Variants in CFAP46 observed in about 807,000 individuals in gnomAD.
CFAP46 encodes cilia and flagella associated protein 46.
CFAP46 carries 245 observed loss-of-function variants against 325.7 expected under a neutral mutation model. That is an observed-to-expected ratio of 0.75 (90% CI 0.68 to 0.84). The LOEUF (loss-of-function observed/expected upper bound fraction) is 0.84. CFAP46 is among the 40% of genes least tolerant of loss of function. CFAP46 has a pLI of 0.00. For missense variants in CFAP46, 3,346 were observed against 3,543.0 expected (o/e 0.94, Z 1.41); for synonymous variants, 1,523 against 1,495.9 (o/e 1.02, Z -0.42).
At chr10:132,824,027 A>G (rs1255588113) in intron 50 of CFAP46, among the ~76,000 whole-genome samples, 6 of 69,338 alleles carry the variant, frequency 8.7e-5, no homozygotes, top group African/African-American at 2.0e-4. Context: ...GTGCTGTGTG[A>G]GTGCTGATGT....
Position 132,884,248 on chromosome 10 carries a change from G to A in CFAP46, c.3627+855C>T, listed in dbSNP as rs1206359121. Among the ~76,000 whole-genome samples the A allele has an allele frequency of 6.6e-6, 1 of 152,154 alleles. No individual in the cohort carries two copies. Among genetic ancestry groups the A allele is most frequent in the East Asian group, 1.9e-4 (1 of 5,166 alleles). ...CTGGTTCCCCGGAGCGAGGAGCAGT[G>A]GCTCCCTGTGGCTCCCCACGGTGGT... is the stretch of plus-strand genomic sequence containing the variant. On this transcript the variant is annotated intron_variant, in intron 27 of 57. Transcript: ENST00000368586. The surrounding 1 kb of genome is among the most constrained non-coding windows in gnomAD (Gnocchi z 5.4).
chr10:132,812,278 C>T (rs1368727228), intron 55 of CFAP46, among the ~76,000 whole-genome samples: 1 of 152,240 alleles, frequency 6.6e-6, no homozygotes, highest in Non-Finnish European at 1.5e-5. Context: ...GCCAAAAGCC[C>T]CCCCTGTGCT....
intron 50 of CFAP46, among the ~76,000 whole-genome samples, chr10:132,818,870 GAAAA>G (rs1195269092): frequency 1.4e-5 from 2 of 145,718 alleles, no homozygotes; most frequent in Admixed American, 1.4e-4. Context: ...AAAAAAAAAA[GAAAA>G]AAAAGAAAGA....
chr10:132,897,413 G>C (rs1206249168), intron 24 of CFAP46, among the ~76,000 whole-genome samples: 1 of 152,226 alleles, frequency 6.6e-6, no homozygotes, highest in Admixed American at 6.5e-5. Context: ...ATGAACCTCC[G>C]TCTGCTACGG....
Position 132,859,219 on chromosome 10 carries a change from G to A in CFAP46, c.5227C>T (p.Gln1743Ter). 1.9e-6 allele frequency: 3 copies of A among 1,549,798 alleles called. No homozygotes were observed. The highest frequency in any genetic ancestry group is 2.6e-6 in the Non-Finnish European group (3 of 1,146,940). ...RCLSLRVRVA[Q>*]HSAVTEPTEC... Reference sequence around the variant, plus strand: ...GTGGGTTCAGTGACCGCTGAGTGCTGCGCAACTCTGACCCGCAGGCTCAGG... The same window carrying A: ...GTGGGTTCAGTGACCGCTGAGTGCTACGCAACTCTGACCCGCAGGCTCAGG... Residue 1743 changes from glutamine (Q) to a stop codon, truncating the protein, a stop_gained, in exon 38 of 58, where the codon CAG becomes TAG. Transcript: ENST00000368586. LOFTEE classifies it high-confidence loss of function.
At chr10:132,821,198 A>T (rs1299116664) in intron 50 of CFAP46, among the ~76,000 whole-genome samples, 35 of 49,896 alleles carry the variant, frequency 7.0e-4, no homozygotes, top group East Asian at 1.2e-3. Flanking sequence ...GTGCTGTGTG[A>T]GTGCTGATGT....
At chr10:132,917,837 C>A (rs1365423999) in intron 16 of CFAP46, among the ~76,000 whole-genome samples, 1 of 152,134 alleles carries the variant, frequency 6.6e-6, no homozygotes, top group Non-Finnish European at 1.5e-5. Context: ...TGCAGGAAAG[C>A]AACCCTCTGA....
At chr10:132,837,901 G>T (rs1229647145) in intron 44 of CFAP46, among the ~76,000 whole-genome samples, 1 of 148,744 alleles carries the variant, frequency 6.7e-6, no homozygotes, top group Non-Finnish European at 1.5e-5. Flanking sequence ...ACACACAGAT[G>T]AACACATACA....
In CFAP46 at chr10:132,886,063, G is replaced by A; in HGVS notation, c.3305-104C>T. 1 of 1,428,784 alleles carries A rather than the reference G, an allele frequency of 7.0e-7. No individual in the cohort carries two copies. The highest frequency in any genetic ancestry group is 2.1e-5 in the Admixed American group (1 of 47,682). The allele number at this position is 1,428,784 out of a possible 1,614,324, so 88.5% of individuals were successfully genotyped here. On this transcript the variant is annotated intron_variant, in intron 25 of 57. Coordinates refer to ENST00000368586, the MANE Select transcript of CFAP46 (RefSeq NM_001200049.3). This position sits in a 1 kb window ranked among gnomAD's most constrained non-coding sequence, Gnocchi z 5.8. ...TGCCCATCACAGTGCCCCTGAGGTGGAACCGCGGCTACAGAGGTGCCCAGG... is the reference window on the plus strand; with the variant it reads ...TGCCCATCACAGTGCCCCTGAGGTGAAACCGCGGCTACAGAGGTGCCCAGG...
intron 13 of CFAP46, among the ~76,000 whole-genome samples, chr10:132,921,654 T>C (rs1849723626): frequency 6.6e-6 from 1 of 152,168 alleles, no homozygotes; most frequent in Non-Finnish European, 1.5e-5. Context: ...AATGAGGTCA[T>C]CAGGGTGGAC....
chr10:132,843,882 G>A (rs1464576336), intron 44 of CFAP46, among the ~76,000 whole-genome samples: 1 of 125,282 alleles, frequency 8.0e-6, no homozygotes, highest in Non-Finnish European at 1.7e-5. Context: ...GGTCTCGGTG[G>A]GTGTTCTCAG....
intron 19 of CFAP46, 159 bp from the exon 20 acceptor site, chr10:132,910,227 A>G (rs1375659936): frequency 6.6e-6 from 4 of 608,194 alleles, no homozygotes; most frequent in Non-Finnish European, 9.8e-6. Context: ...TGCACCACAA[A>G]CCCAGCAGAT....
Position 132,867,423 on chromosome 10 carries a change from T to C in CFAP46, c.4695A>G (p.Thr1565=). ...TGATCTCCCCAGGCTGGACAGGAAG[T>C]GTCTGCTCATTCAGTGCTGGCAGGC... is the stretch of plus-strand genomic sequence containing the variant. ...EESLPALNEQ[T]LPVQPGEIKP... The change falls in exon 34 of 58, where the codon ACA becomes ACG. Residue 1565 remains threonine, a synonymous_variant. Transcript: ENST00000368586. 1.9e-6 allele frequency: 3 copies of C among 1,550,602 alleles called. No homozygotes were observed. Among genetic ancestry groups the C allele is most frequent in the East Asian group, 2.4e-5 (1 of 40,918 alleles).
Position 132,941,057 on chromosome 10 carries a change from C to T in CFAP46, c.310G>A (p.Glu104Lys). Residue 104 changes from glutamate (E) to lysine (K), a missense_variant, in exon 4 of 58, where the codon GAA (glutamate) becomes AAA (lysine). Transcript: ENST00000368586. ...TACTCAGTCACGCAATTTTCAAATT[C>T]CTCCTAAGGCAACATAAAGAAGCAC... ...CAPKSAENLE[E>K]FENCVTEYMK... 3 of 1,614,094 alleles carry T rather than the reference C, an allele frequency of 1.9e-6. No individual in the cohort carries two copies. The highest frequency in any genetic ancestry group is 8.5e-7 in the Non-Finnish European group (1 of 1,180,012).
At chr10:132,924,209 G>A (rs1186315742) in intron 11 of CFAP46, among the ~76,000 whole-genome samples, 3 of 152,146 alleles carry the variant, frequency 2.0e-5, no homozygotes, top group African/African-American at 7.2e-5. Context: ...CCTGCCGCCT[G>A]CCTGCCATGG....
At position 132,832,568 on chromosome 10, in the gene CFAP46, A is replaced by G. The variant is rs1317814911; in HGVS notation, c.7117+790T>C. 3.0e-6 allele frequency: 1 copy of G among 336,324 alleles called. No individual in the cohort carries two copies. The highest frequency in any genetic ancestry group is 6.0e-6 in the Non-Finnish European group (1 of 166,974). 20.8% of individuals were successfully genotyped at this position (336,324 alleles called of 1,614,324 possible). Reference sequence around the variant, plus strand: ...GTTTTTATTTGTCTCAGCTGGAAGAACGAATCTGGTCCCTGTTACTTCATC... The same window carrying G: ...GTTTTTATTTGTCTCAGCTGGAAGAGCGAATCTGGTCCCTGTTACTTCATC... On this transcript the variant is annotated intron_variant, in intron 50 of 57. Transcript: ENST00000368586. This position sits in a 1 kb window ranked among gnomAD's most constrained non-coding sequence, Gnocchi z 4.1.
intron 19 of CFAP46, 92 bp from the exon 20 acceptor site, chr10:132,910,160 G>C: frequency 8.2e-7 from 1 of 1,220,716 alleles, no homozygotes; most frequent in Middle Eastern, 2.2e-4. Flanking sequence ...GATGGAGCCC[G>C]CTCCTGATCC....
At chr10:132,906,888 G>A (rs908332539) in intron 22 of CFAP46, among the ~76,000 whole-genome samples, 6 of 152,174 alleles carry the variant, frequency 3.9e-5, no homozygotes, top group East Asian at 1.9e-4. Context: ...GGGTCCTGGC[G>A]CGTGATGCCC....
intron 50 of CFAP46, among the ~76,000 whole-genome samples, chr10:132,823,774 CTG>C (rs1438915645): frequency 4.6e-5 from 4 of 87,266 alleles, no homozygotes; most frequent in African/African-American, 1.4e-4. Flanking sequence ...GTGCTGTGTG[CTG>C]TGTGTGCACT....
Sources: allele counts gnomAD v4.1 joint callset (sites outside exome capture counted in the v4.1 genomes callset), GRCh38; gene constraint gnomAD v4.1.1; non-coding constraint Gnocchi (gnomAD v3.1); transcripts MANE v1.5; gene names NCBI Gene and HGNC (gene_info 2026-07-23, HGNC 2026-07-21).